The following TMTC2 variants were observed in gnomAD, a reference collection of about 807,000 sequenced individuals.
The protein encoded by TMTC2 is transmembrane O-mannosyltransferase targeting cadherins 2, also known as protein O-mannosyl-transferase TMTC2.
Under a neutral mutation model 82.4 loss-of-function variants are expected in TMTC2, and 43 were observed. The ratio of observed to expected loss-of-function variants is 0.52; its 90% CI spans 0.41 to 0.67. The LOEUF (loss-of-function observed/expected upper bound fraction) is 0.67. TMTC2 is among the 30% of genes least tolerant of loss of function. The pLI is 0.00. For missense variants in TMTC2, 919 were observed against 1,012.4 expected, an observed-to-expected ratio of 0.91 and a Z score of 1.25; for synonymous variants, 408 against 381.9, an observed-to-expected ratio of 1.07 and a Z score of -0.80.
intron 6 of TMTC2, among the ~76,000 whole-genome samples, chr12:82,966,363 T>A (rs1878208286): frequency 6.6e-6 from 1 of 152,122 alleles, no homozygotes; most frequent in African/African-American, 2.4e-5. Flanking sequence ...CATGAGTTCC[T>A]TATTGCCCCT....
At chr12:82,874,495 C>T (rs1196603583) in intron 2 of TMTC2, among the ~76,000 whole-genome samples, 2 of 152,146 alleles carry the variant, frequency 1.3e-5, no homozygotes, top group Non-Finnish European at 2.9e-5. Flanking sequence ...ATGTTTTTCA[C>T]TCATTTCTAT....
intron 1 of TMTC2, among the ~76,000 whole-genome samples, chr12:82,804,901 G>T (rs1253023403): frequency 6.6e-6 from 1 of 151,998 alleles, no homozygotes; most frequent in Non-Finnish European, 1.5e-5. Context: ...TTGTTCCCTG[G>T]TGCCATAAAA....
At chr12:83,060,713 C>T (rs550523140) in intron 10 of TMTC2, among the ~76,000 whole-genome samples, 1 of 151,798 alleles carries the variant, frequency 6.6e-6, no homozygotes, top group African/African-American at 2.4e-5. Flanking sequence ...TATTACCTGC[C>T]ATCTTAGAAG....
chr12:82,713,166 A>C (rs1036421880), intron 1 of TMTC2, among the ~76,000 whole-genome samples: 2 of 152,098 alleles, frequency 1.3e-5, no homozygotes, highest in African/African-American at 4.8e-5. Flanking sequence ...CTAGAAAGAC[A>C]AAAGATTAGC....
At chr12:82,975,315 TCTC>T (rs1193506544) in intron 7 of TMTC2, among the ~76,000 whole-genome samples, 1 of 152,146 alleles carries the variant, frequency 6.6e-6, no homozygotes, top group African/African-American at 2.4e-5. Context: ...TACATAAAAA[TCTC>T]ATTTAACTCT....
intron 3 of TMTC2, among the ~76,000 whole-genome samples, chr12:82,899,465 T>A (rs1873849933): frequency 6.6e-6 from 1 of 150,982 alleles, no homozygotes; most frequent in East Asian, 1.9e-4. Flanking sequence ...TTTACCACCA[T>A]CACTGTTGGC....
At chr12:82,997,368 GTATATATATATATGTGTATATATATA>G (rs1879696517) in intron 8 of TMTC2, among the ~76,000 whole-genome samples, 1 of 35,466 alleles carries the variant, frequency 2.8e-5, no homozygotes, top group Non-Finnish European at 6.5e-5. Context: ...ATATATATGT[GTATATATATATATGTGTATATATATA>G]TGTGTATATA....
intron 1 of TMTC2, among the ~76,000 whole-genome samples, chr12:82,820,332 C>T (rs1869014992): frequency 6.6e-6 from 1 of 152,052 alleles, no homozygotes; most frequent in Non-Finnish European, 1.5e-5. Context: ...AAATATTAAC[C>T]ATCACACTAA....
At chr12:82,910,920 GC>G (rs1386392875) in intron 3 of TMTC2, among the ~76,000 whole-genome samples, 1 of 149,774 alleles carries the variant, frequency 6.7e-6, no homozygotes, top group Admixed American at 6.7e-5. Flanking sequence ...TCGCTCTGTC[GC>G]CCAGGCTGGA....
chr12:83,003,245 C>T (rs2137371490), intron 8 of TMTC2, among the ~76,000 whole-genome samples: 1 of 152,102 alleles, frequency 6.6e-6, no homozygotes, highest in South Asian at 2.1e-4. Flanking sequence ...GACCTCATCT[C>T]TTTTTTTTCC....
intron 1 of TMTC2, among the ~76,000 whole-genome samples, chr12:82,788,057 C>T (rs976127263): frequency 6.6e-6 from 1 of 151,954 alleles, no homozygotes; most frequent in Non-Finnish European, 1.5e-5. Context: ...GGTATTTTGG[C>T]GTGAGATGAG....
intron 4 of TMTC2, among the ~76,000 whole-genome samples, chr12:82,959,874 C>T (rs550733698): frequency 1.3e-5 from 2 of 150,418 alleles, no homozygotes; most frequent in Admixed American, 6.6e-5. Context: ...AAACTATCAA[C>T]AGAGTAAACA....
In TMTC2 at chr12:83,106,297, C is replaced by T. The variant is rs921470420; in HGVS notation, c.2332-25913C>T. Among the ~76,000 whole-genome samples the T allele has an allele frequency of 7.2e-5, 11 of 152,144 alleles. No homozygotes were observed. The South Asian group carries it at 1.2e-3, about 17-fold the overall frequency. On this transcript the variant is annotated intron_variant, in intron 11 of 11. Transcript: ENST00000321196. ...GGCAGATCACCTGAGGTCAGGCGTT[C>T]GAGACCAGCCTGACCAATGTGGTGA... is the stretch of plus-strand genomic sequence containing the variant.
intron 7 of TMTC2, among the ~76,000 whole-genome samples, chr12:82,969,908 T>C (rs1878375613): frequency 6.6e-6 from 1 of 152,196 alleles, no homozygotes; most frequent in Admixed American, 6.5e-5. Context: ...AATAGTATTT[T>C]ATAAACAAAA....
chr12:82,710,371 A>G (rs1407642939), intron 1 of TMTC2, among the ~76,000 whole-genome samples: 1 of 152,164 alleles, frequency 6.6e-6, no homozygotes, highest in East Asian at 1.9e-4. Flanking sequence ...CAAATATTTA[A>G]GCTATATTGC....
intron 11 of TMTC2, among the ~76,000 whole-genome samples, chr12:83,067,089 G>A (rs183643256): frequency 1.3e-3 from 202 of 151,904 alleles, no homozygotes; most frequent in African/African-American, 4.6e-3. Context: ...TTTAAATTTC[G>A]AATAAGGAAG....
chr12:83,040,679 CTTTTTTTTT>C (rs750327519), intron 9 of TMTC2, among the ~76,000 whole-genome samples: 15 of 124,206 alleles, frequency 1.2e-4, no homozygotes, highest in Non-Finnish European at 1.8e-4. Context: ...CTGTCCTTTT[CTTTTTTTTT>C]TTTTTTTTTT....
At chr12:83,081,405 T>C (rs1883463078) in intron 11 of TMTC2, among the ~76,000 whole-genome samples, 1 of 152,208 alleles carries the variant, frequency 6.6e-6, no homozygotes, top group South Asian at 2.1e-4. Flanking sequence ...TAGTGAAATG[T>C]TGGCTTACGA....
At chr12:83,065,003 TTTTTCTTCTAAAGCA>T (rs1398045938) in intron 11 of TMTC2, among the ~76,000 whole-genome samples, 17 of 151,940 alleles carry the variant, frequency 1.1e-4, no homozygotes, top group African/African-American at 3.4e-4. Context: ...TTACTCTTAA[TTTTTCTTCTAAAGCA>T]TTTTCTTCTA....
Sources: allele counts gnomAD v4.1 joint callset (sites outside exome capture counted in the v4.1 genomes callset), GRCh38; gene constraint gnomAD v4.1.1; transcripts MANE v1.5; gene names NCBI Gene and HGNC (gene_info 2026-07-23, HGNC 2026-07-21).